Variants in TENM3 observed in about 807,000 individuals in gnomAD.
The protein encoded by TENM3 is teneurin transmembrane protein 3.
A neutral mutation model predicts 255.1 loss-of-function variants in TENM3; 63 were observed. The observed-to-expected ratio is 0.25, with a 90% CI of 0.20 to 0.30. TENM3 has a LOEUF of 0.30. Among genes scored for constraint, TENM3 ranks in the 10% least tolerant of loss-of-function variants. The pLI is 1.00. For synonymous variants in TENM3, 1,306 were observed against 1,322.3 expected (o/e 0.99, Z 0.27); for missense variants, 2,929 against 3,461.1 (o/e 0.85, Z 3.86).
chr4:182,264,770 A>C (rs1023524860), intron 1 of TENM3, among the ~76,000 whole-genome samples: 1 of 152,228 alleles, frequency 6.6e-6, no homozygotes, highest in Non-Finnish European at 1.5e-5. Flanking sequence ...GCCACTTGGC[A>C]TGGCTAAAGT....
chr4:182,114,080 T>A, the TENM3 span, among the ~76,000 whole-genome samples: 1 of 152,204 alleles, frequency 6.6e-6, no homozygotes, highest in Admixed American at 6.5e-5. Context: ...ATTTTTGGGA[T>A]CAGCTTTCCT....
At chr4:182,629,979 A>C (rs142697667) in intron 5 of TENM3, among the ~76,000 whole-genome samples, 1 of 152,332 alleles carries the variant, frequency 6.6e-6, no homozygotes, top group East Asian at 1.9e-4. Flanking sequence ...CAAGTTATAC[A>C]GTATTTTTTC....
chr4:182,732,108 C>G (rs1760809903), intron 16 of TENM3, among the ~76,000 whole-genome samples: 2 of 152,028 alleles, frequency 1.3e-5, no homozygotes, highest in South Asian at 4.2e-4. Flanking sequence ...AAGATCTACT[C>G]AAACAAAATA....
intron 4 of TENM3, among the ~76,000 whole-genome samples, chr4:182,621,744 A>T (rs924054774): frequency 3.1e-4 from 8 of 25,448 alleles, no homozygotes; most frequent in East Asian, 6.5e-4. Flanking sequence ...TATAATATAT[A>T]ATATATTATA....
rs193119277 is a variant in TENM3, at chr4:182,645,350, A to C, written c.989-8421A>C. 3.9e-5 allele frequency among the ~76,000 whole-genome samples: 6 copies of C among 152,192 alleles called. No homozygotes were observed. In the East Asian group the frequency reaches 9.8e-4, roughly 25 times the overall value. ...ACATATTTCAAAGTCATCCATCCAC[A>C]TGGAATTGGAAGTTGATATTATAAA... On this transcript the variant is annotated intron_variant, in intron 5 of 27. Transcript: ENST00000511685.
chr4:181,616,887 T>C, the TENM3 span, among the ~76,000 whole-genome samples: 1 of 152,194 alleles, frequency 6.6e-6, no homozygotes, highest in Non-Finnish European at 1.5e-5. Flanking sequence ...AGTCCACTGA[T>C]TCAAATACCA....
intron 5 of TENM3, among the ~76,000 whole-genome samples, chr4:182,641,368 AT>A (rs1479409028): frequency 6.6e-6 from 1 of 152,218 alleles, no homozygotes; most frequent in Non-Finnish European, 1.5e-5. Flanking sequence ...TCTTTCAGTA[AT>A]GGTGATTACA....
chr4:182,341,305 A>T (rs1764475617), intron 2 of TENM3, among the ~76,000 whole-genome samples: 1 of 152,186 alleles, frequency 6.6e-6, no homozygotes, highest in Non-Finnish European at 1.5e-5. Flanking sequence ...AAAATAGAAA[A>T]TTACTAATTT....
chr4:182,316,852 AT>A (rs1762777738), intron 1 of TENM3, among the ~76,000 whole-genome samples: 1 of 152,066 alleles, frequency 6.6e-6, no homozygotes, highest in South Asian at 2.1e-4. Context: ...TTCACCTCTA[AT>A]TGTGAGGGTC....
the TENM3 span, among the ~76,000 whole-genome samples, chr4:181,807,413 G>A: frequency 6.6e-6 from 1 of 152,212 alleles, no homozygotes; most frequent in Non-Finnish European, 1.5e-5. Flanking sequence ...GAGTGCAATG[G>A]CACAATCTCC....
chr4:182,430,078 G>A (rs2151185942), intron 3 of TENM3, among the ~76,000 whole-genome samples: 1 of 152,312 alleles, frequency 6.6e-6, no homozygotes, highest in South Asian at 2.1e-4. Context: ...TATTATCACT[G>A]AGTGACATGA....
chr4:181,558,089 G>A, the TENM3 span, among the ~76,000 whole-genome samples: 1 of 152,188 alleles, frequency 6.6e-6, no homozygotes, highest in Non-Finnish European at 1.5e-5. Context: ...AGATTTTGAA[G>A]GGATTTGATT....
intron 12 of TENM3, among the ~76,000 whole-genome samples, chr4:182,696,043 A>G (rs999727764): frequency 3.3e-5 from 5 of 152,346 alleles, no homozygotes; most frequent in South Asian, 2.1e-4. Context: ...ATGTGACGTC[A>G]AATACTGACA....
In TENM3 at chr4:182,680,571, C is replaced by A; in HGVS notation, c.1668C>A (p.Asn556Lys). The A allele has an allele frequency of 6.2e-7, 1 of 1,613,530 alleles. No individual in the cohort carries two copies. The highest frequency in any genetic ancestry group is 2.2e-5 in the East Asian group (1 of 44,866). Residue 556 changes from asparagine (N) to lysine (K), a missense_variant, in exon 10 of 28, where the codon AAC (asparagine) becomes AAA (lysine). Coordinates refer to ENST00000511685, the MANE Select transcript of TENM3 (RefSeq NM_001080477.4). ...RAACPVLCSG[N>K]GQYSKGRCLC... Reference sequence around the variant, plus strand: ...CCTGTCCAGTGTTATGTAGTGGCAACGGGCAGTACTCCAAGGGCCGCTGCC... The same window carrying A: ...CCTGTCCAGTGTTATGTAGTGGCAAAGGGCAGTACTCCAAGGGCCGCTGCC...
chr4:181,583,243 G>T, the TENM3 span, among the ~76,000 whole-genome samples: 1 of 151,850 alleles, frequency 6.6e-6, no homozygotes, highest in East Asian at 1.9e-4. Context: ...CGATCTGTGT[G>T]ATCAGAGTGG....
At chr4:182,561,015 C>T (rs1052286686) in intron 3 of TENM3, among the ~76,000 whole-genome samples, 31 of 152,102 alleles carry the variant, frequency 2.0e-4, no homozygotes, top group Admixed American at 1.4e-3. Context: ...GAAGAATGCA[C>T]GGTTTAATTT....
At chr4:182,579,358 A>G (rs1040421351) in intron 3 of TENM3, among the ~76,000 whole-genome samples, 2 of 132,056 alleles carry the variant, frequency 1.5e-5, no homozygotes, top group African/African-American at 2.5e-5. Context: ...GGATAATGCA[A>G]TGGGAAAACA....
At chr4:181,828,481 A>G in the TENM3 span, among the ~76,000 whole-genome samples, 1 of 152,232 alleles carries the variant, frequency 6.6e-6, no homozygotes, top group Non-Finnish European at 1.5e-5. Context: ...ATTCTATTCG[A>G]TCAATGCTGA....
chr4:181,986,955 G>A, the TENM3 span, among the ~76,000 whole-genome samples: 24 of 152,164 alleles, frequency 1.6e-4, no homozygotes, highest in African/African-American at 5.3e-4. Context: ...GAGAATGGGT[G>A]TGTTTTATTT....
Sources: allele counts gnomAD v4.1 joint callset (sites outside exome capture counted in the v4.1 genomes callset), GRCh38; gene constraint gnomAD v4.1.1; transcripts MANE v1.5; gene names NCBI Gene and HGNC (gene_info 2026-07-23, HGNC 2026-07-21).